ZSCAN5A: variants seen among roughly 807,000 people sequenced by gnomAD.
ZSCAN5A encodes the protein zinc finger and SCAN domain-containing protein 5A.
In ZSCAN5A, 12 loss-of-function variants were observed where a neutral mutation model predicts 23.7. The ratio of observed to expected loss-of-function variants is 0.51; its 90% CI spans 0.32 to 0.82. The LOEUF is 0.82. Among genes scored for constraint, ZSCAN5A ranks in the 40% least tolerant of loss-of-function variants. The pLI is 0.03. For missense variants in ZSCAN5A, 597 were observed against 617.9 expected (o/e 0.97, Z 0.36); for synonymous variants, 257 against 239.9 (o/e 1.07, Z -0.66).
intron 2 of ZSCAN5A, among the ~76,000 whole-genome samples, chr19:56,356,215 G>A (rs575786223): frequency 1.3e-5 from 2 of 148,518 alleles, no homozygotes; most frequent in East Asian, 1.9e-4. Context: ...CCTTTATTAA[G>A]GTGAGCACCT....
chr19:56,334,717 G>A (rs1307074677), intron 2 of ZSCAN5A, among the ~76,000 whole-genome samples: 4 of 152,162 alleles, frequency 2.6e-5, no homozygotes, highest in Non-Finnish European at 5.9e-5. Context: ...CTAGGGACTG[G>A]AGAGGACTCC....
chr19:56,251,149 A>T (rs371552465), intron 2 of ZSCAN5A, among the ~76,000 whole-genome samples: 12 of 55,154 alleles, frequency 2.2e-4, no homozygotes, highest in African/African-American at 6.6e-4. Flanking sequence ...GACTCCGTGT[A>T]AAAAAAAAAA....
At chr19:56,344,909 C>CAAAAAAAAAAAAAAAAAAA (rs1019131536) in intron 2 of ZSCAN5A, among the ~76,000 whole-genome samples, 1 of 19,046 alleles carries the variant, frequency 5.3e-5, no homozygotes, top group Non-Finnish European at 1.1e-4. Context: ...GACTCCGTCT[C>CAAAAAAAAAAAAAAAAAAA]AAAAAAAAAA....
chr19:56,294,490 T>C (rs901306399), intron 2 of ZSCAN5A, among the ~76,000 whole-genome samples: 5 of 151,720 alleles, frequency 3.3e-5, no homozygotes, highest in Non-Finnish European at 7.4e-5. Flanking sequence ...TCAATCAGCA[T>C]TTTTTTTTCT....
intron 2 of ZSCAN5A, chr19:56,228,260 C>A: frequency 1.0e-6 from 1 of 985,348 alleles, no homozygotes; most frequent in Non-Finnish European, 1.2e-6. Context: ...ACCTCCTTCC[C>A]GGCTTCTGCC....
At chr19:56,363,817 TG>T (rs1410663083) in intron 1 of ZSCAN5A, among the ~76,000 whole-genome samples, 1 of 152,238 alleles carries the variant, frequency 6.6e-6, no homozygotes, top group Non-Finnish European at 1.5e-5. Flanking sequence ...TAACAGCCTA[TG>T]TTCAGATGTG....
chr19:56,282,523 T>C (rs1000625782), intron 2 of ZSCAN5A: 12 of 985,304 alleles, frequency 1.2e-5, no homozygotes, highest in Non-Finnish European at 1.4e-5. Flanking sequence ...TCCATCTCTT[T>C]CCCTTTGGGG....
intron 2 of ZSCAN5A, chr19:56,245,244 A>G (rs1424335637): frequency 1.6e-6 from 1 of 642,602 alleles, no homozygotes. Flanking sequence ...TTTCTTGGCA[A>G]GGAATATCTT....
At chr19:56,320,777 C>G (rs964358631) in intron 2 of ZSCAN5A, 2 of 1,000,972 alleles carry the variant, frequency 2.0e-6, no homozygotes, top group Admixed American at 3.4e-5. Context: ...GCTAGTCACA[C>G]TTGCCATTGT....
At chr19:56,273,425 C>T (rs1161161163) in intron 2 of ZSCAN5A, among the ~76,000 whole-genome samples, 2 of 152,180 alleles carry the variant, frequency 1.3e-5, no homozygotes, top group Non-Finnish European at 2.9e-5. Context: ...ATGTTTATTC[C>T]TGGTTCTTTC....
intron 2 of ZSCAN5A, chr19:56,245,301 G>A (rs180720742): frequency 1.4e-6 from 1 of 736,520 alleles, no homozygotes; most frequent in Admixed American, 1.8e-5. Context: ...GCCAGTGTCA[G>A]AGATGATCCG....
At chr19:56,280,131 G>A (rs1408568638) in intron 2 of ZSCAN5A, among the ~76,000 whole-genome samples, 1 of 152,060 alleles carries the variant, frequency 6.6e-6, no homozygotes, top group Non-Finnish European at 1.5e-5. Flanking sequence ...AAACAAATGT[G>A]TATTTATATA....
rs1017472148 is a variant in ZSCAN5A, at chr19:56,352,125, G to A, written c.-358+11110C>T. On this transcript the variant is annotated intron_variant, in intron 2 of 6. Coordinates refer to the ZSCAN5A transcript ENST00000587340. This position sits in a 1 kb window ranked among gnomAD's most constrained non-coding sequence, Gnocchi z 4.2. ...TTGTTTGTTTCTTTGTTTTTGAGAC[G>A]GAATCTCGCTCTGTCACCCAGGCTG... Among the ~76,000 whole-genome samples, 26 of 152,058 alleles carry A rather than the reference G, an allele frequency of 1.7e-4. No individual in the cohort carries two copies. The highest frequency in any genetic ancestry group is 3.4e-3 in the Middle Eastern group (1 of 294).
intron 2 of ZSCAN5A, among the ~76,000 whole-genome samples, chr19:56,294,275 C>T (rs375353998): frequency 8.3e-4 from 127 of 152,340 alleles, no homozygotes; most frequent in African/African-American, 2.9e-3. Flanking sequence ...CTCTTTCTCC[C>T]GGACCCTCAC....
chr19:56,257,619 C>T (rs1160410779), intron 2 of ZSCAN5A, among the ~76,000 whole-genome samples: 1 of 137,762 alleles, frequency 7.3e-6, no homozygotes, highest in Non-Finnish European at 1.6e-5. Context: ...TCTTCTTAGA[C>T]ACAGGCGCTG....
At chr19:56,294,581 T>G (rs2039735651) in intron 2 of ZSCAN5A, among the ~76,000 whole-genome samples, 1 of 152,200 alleles carries the variant, frequency 6.6e-6, no homozygotes, top group South Asian at 2.1e-4. Flanking sequence ...TACTCAATGC[T>G]GCCTTTGTGG....
chr19:56,256,938 C>T (rs2036741703), intron 2 of ZSCAN5A, among the ~76,000 whole-genome samples: 1 of 152,008 alleles, frequency 6.6e-6, no homozygotes, highest in Non-Finnish European at 1.5e-5. Flanking sequence ...TGGGATCCCC[C>T]CGAAAGGGAA....
chr19:56,292,510 A>G (rs1020025756), intron 2 of ZSCAN5A, among the ~76,000 whole-genome samples: 1 of 137,052 alleles, frequency 7.3e-6, no homozygotes, highest in African/African-American at 2.7e-5. Flanking sequence ...CTGGTCTTCA[A>G]TTCCGGGGCT....
chr19:56,337,734 C>T (rs1022313872), intron 2 of ZSCAN5A, among the ~76,000 whole-genome samples: 7 of 152,326 alleles, frequency 4.6e-5, no homozygotes, highest in Admixed American at 2.6e-4. Flanking sequence ...TGGCTCCACC[C>T]GCCCTGTACT....
Sources: gnomAD v4.1 joint callset for allele counts (sites outside exome capture counted in the v4.1 genomes callset) on GRCh38, gnomAD v4.1.1 for gene constraint, Gnocchi (gnomAD v3.1) non-coding constraint, MANE v1.5 for transcripts, NCBI Gene and HGNC (gene_info 2026-07-23, HGNC 2026-07-21) for gene names.